Variants in MAML3 observed in about 807,000 individuals in gnomAD.
MAML3 encodes the protein mastermind like transcriptional coactivator 3, also known as mastermind-like protein 3.
Under a neutral mutation model 101.9 loss-of-function variants are expected in MAML3, and 27 were observed. The ratio of observed to expected loss-of-function variants is 0.27; its 90% confidence interval spans 0.20 to 0.37. The LOEUF is 0.37. MAML3 is among the 10% of genes least tolerant of loss of function. The pLI is 1.00. For synonymous variants in MAML3, 501 were observed against 555.9 expected (o/e 0.90, Z 1.39); for missense variants, 1,316 against 1,444.9 (o/e 0.91, Z 1.45).
At chr4:139,942,171 A>AAGGCAGGC (rs561148147) in intron 1 of MAML3, among the ~76,000 whole-genome samples, 171 of 76,862 alleles carry the variant, frequency 2.2e-3, no homozygotes, top group African/African-American at 5.5e-3. Flanking sequence ...GGAGGGAGGG[A>AAGGCAGGC]AGGCAGGCAG....
At chr4:139,863,832 G>GTTTTTTGTTTTTTTTT (rs1731835009) in intron 2 of MAML3, among the ~76,000 whole-genome samples, 1 of 111,254 alleles carries the variant, frequency 9.0e-6, no homozygotes, top group African/African-American at 2.9e-5. Context: ...CAGAACATGG[G>GTTTTTTGTTTTTTTTT]TTTTTTTTTT....
At chr4:139,934,517 G>A (rs1733468148) in intron 1 of MAML3, among the ~76,000 whole-genome samples, 1 of 152,148 alleles carries the variant, frequency 6.6e-6, no homozygotes, top group Admixed American at 6.5e-5. Flanking sequence ...TAATCAGGAA[G>A]CAGATGCTCC....
intron 2 of MAML3, among the ~76,000 whole-genome samples, chr4:139,862,975 C>T (rs898018612): frequency 6.6e-6 from 1 of 151,952 alleles, no homozygotes. Flanking sequence ...CATGGTGAAA[C>T]CCTGTCTCTA....
intron 3 of MAML3, among the ~76,000 whole-genome samples, chr4:139,728,033 T>C (rs1728547865): frequency 6.6e-6 from 1 of 152,102 alleles, no homozygotes; most frequent in Non-Finnish European, 1.5e-5. Flanking sequence ...CTGGCCAACA[T>C]GGTGAAACCC....
At chr4:139,812,222 A>G (rs746673060) in intron 2 of MAML3, among the ~76,000 whole-genome samples, 4 of 152,208 alleles carry the variant, frequency 2.6e-5, no homozygotes, top group African/African-American at 4.8e-5. Context: ...ACTGCACTCT[A>G]TCCACCAGAG....
intron 1 of MAML3, among the ~76,000 whole-genome samples, chr4:139,947,079 T>A (rs1415671284): frequency 6.6e-6 from 1 of 152,226 alleles, no homozygotes; most frequent in Admixed American, 6.5e-5. Context: ...TGTTGTTTTT[T>A]AACATTAGTC....
At chr4:139,966,478 C>A (rs574558165) in intron 1 of MAML3, among the ~76,000 whole-genome samples, 6 of 152,134 alleles carry the variant, frequency 3.9e-5, no homozygotes, top group Admixed American at 1.3e-4. Flanking sequence ...TATGTCCCTG[C>A]CTTTGCCTTT....
intron 1 of MAML3, among the ~76,000 whole-genome samples, chr4:140,057,468 A>G (rs1727368964): frequency 6.6e-6 from 1 of 152,180 alleles, no homozygotes; most frequent in African/African-American, 2.4e-5. Context: ...CTAAGATAAT[A>G]TTTTATCAGT....
intron 2 of MAML3, among the ~76,000 whole-genome samples, chr4:139,828,547 G>A (rs1257845651): frequency 6.6e-6 from 1 of 152,152 alleles, no homozygotes; most frequent in Non-Finnish European, 1.5e-5. Context: ...AATAAACAAA[G>A]CCCTGAGCAT....
At chr4:139,973,977 C>G (rs1186767072) in intron 1 of MAML3, among the ~76,000 whole-genome samples, 1 of 152,168 alleles carries the variant, frequency 6.6e-6, no homozygotes, top group Non-Finnish European at 1.5e-5. Context: ...AAATTACATA[C>G]AAGTATTTTA....
At chr4:140,090,409 A>G (rs1728023542) in intron 1 of MAML3, among the ~76,000 whole-genome samples, 1 of 152,272 alleles carries the variant, frequency 6.6e-6, no homozygotes, top group Non-Finnish European at 1.5e-5. Flanking sequence ...ATAACAACAC[A>G]GCAATAATAG....
At chr4:139,940,241 T>C (rs773925554) in intron 1 of MAML3, among the ~76,000 whole-genome samples, 8 of 152,306 alleles carry the variant, frequency 5.3e-5, no homozygotes, top group Middle Eastern at 6.8e-3. Flanking sequence ...TGCTTTGTGG[T>C]TGCTTCAGTT....
chr4:139,930,158 T>C (rs1211231227), intron 1 of MAML3, among the ~76,000 whole-genome samples: 1 of 152,222 alleles, frequency 6.6e-6, no homozygotes, highest in Non-Finnish European at 1.5e-5. Flanking sequence ...GAAAAGAAGA[T>C]AAAGACATTA....
chr4:140,125,292 G>T lies in MAML3; in HGVS notation c.468+27568C>A, dbSNP rs927593802. Among the ~76,000 whole-genome samples the T allele has an allele frequency of 6.6e-5, 10 of 152,214 alleles. No individual in the cohort carries two copies. In the South Asian group the frequency reaches 1.0e-3, roughly 16 times the overall value. ...ACAAAAAGTAATTTATTGGAGCCAGGTGCAGTGGTACATGCCTGTAGTCCC... is the reference window on the plus strand; with the variant it reads ...ACAAAAAGTAATTTATTGGAGCCAGTTGCAGTGGTACATGCCTGTAGTCCC... On this transcript the variant is annotated intron_variant, in intron 1 of 4. Coordinates refer to ENST00000509479, the MANE Select transcript of MAML3 (RefSeq NM_018717.5).
chr4:139,817,305 G>T (rs1730908042), intron 2 of MAML3, among the ~76,000 whole-genome samples: 1 of 152,116 alleles, frequency 6.6e-6, no homozygotes, highest in African/African-American at 2.4e-5. Context: ...TTGGCTCAGG[G>T]GTCACCATAT....
intron 1 of MAML3, among the ~76,000 whole-genome samples, chr4:140,004,041 G>T (rs1265007281): frequency 1.3e-5 from 2 of 152,226 alleles, no homozygotes; most frequent in African/African-American, 2.4e-5. Flanking sequence ...ACTGCACACA[G>T]GCACTTTAAG....
At position 139,892,307 on chromosome 4, in the gene MAML3, GTATC is replaced by G. The variant is rs566322813; in HGVS notation, c.469-1344_469-1341del. ...ATCCTCATCACTGTTCCCCATCTCA[GTATC>G]TATCCATTTATTCAAGTCAGATACT... On this transcript the variant is annotated intron_variant, in intron 1 of 4. Coordinates refer to ENST00000509479, the MANE Select transcript of MAML3 (RefSeq NM_018717.5). Among the ~76,000 whole-genome samples the G allele has an allele frequency of 1.8e-4, 28 of 152,206 alleles. No homozygotes were observed. The East Asian group carries it at 5.4e-3, about 29-fold the overall frequency.
chr4:139,735,783 G>A lies in MAML3; in HGVS notation c.2080-5116C>T, dbSNP rs1390293759. Among the ~76,000 whole-genome samples the A allele has an allele frequency of 6.6e-6, 1 of 152,198 alleles. No individual in the cohort carries two copies. ...GAGTGGGGCCCGTGCGTCCCCGGCAGGACCTAGACTGCCTCTCGGCGCAGG... is the reference window on the plus strand; with the variant it reads ...GAGTGGGGCCCGTGCGTCCCCGGCAAGACCTAGACTGCCTCTCGGCGCAGG... On this transcript the variant is annotated intron_variant, in intron 2 of 4. Transcript: ENST00000509479. This position sits in a 1 kb window ranked among gnomAD's most constrained non-coding sequence, Gnocchi z 5.8.
intron 1 of MAML3, among the ~76,000 whole-genome samples, chr4:139,934,604 C>T (rs758918565): frequency 3.3e-5 from 5 of 152,092 alleles, no homozygotes; most frequent in African/African-American, 4.8e-5. Flanking sequence ...CTTATTTCTA[C>T]CCCCATCGAA....
Sources: allele counts gnomAD v4.1 joint callset (sites outside exome capture counted in the v4.1 genomes callset), GRCh38; gene constraint gnomAD v4.1.1; non-coding constraint Gnocchi (gnomAD v3.1); transcripts MANE v1.5; gene names NCBI Gene and HGNC (gene_info 2026-07-23, HGNC 2026-07-21).